STRN: variants seen among roughly 807,000 people sequenced by gnomAD.
The protein encoded by STRN is protein phosphatase 2 regulatory subunit B'''alpha.
Under a neutral mutation model 96.3 loss-of-function variants are expected in STRN, and 53 were observed. The observed-to-expected ratio is 0.55, with a 90% CI of 0.44 to 0.69. STRN has a LOEUF of 0.69. Among genes scored for constraint, STRN ranks in the 30% least tolerant of loss-of-function variants. The pLI is 0.00. For missense variants in STRN, 987 were observed against 963.9 expected, an observed-to-expected ratio of 1.02 and a Z score of -0.32; for synonymous variants, 428 against 355.9, an observed-to-expected ratio of 1.20 and a Z score of -2.28.
intron 1 of STRN, among the ~76,000 whole-genome samples, chr2:36,946,902 C>CTT (rs531046476): frequency 6.8e-6 from 1 of 146,296 alleles, no homozygotes. Context: ...ACAAAAATTT[C>CTT]TTTTTTTTTT....
At chr2:36,865,648 G>A (rs979626715) in intron 12 of STRN, among the ~76,000 whole-genome samples, 5 of 151,984 alleles carry the variant, frequency 3.3e-5, no homozygotes, top group African/African-American at 1.2e-4. Context: ...TGCAACCTCT[G>A]CCTCCTGGGT....
chr2:36,924,676 T>A (rs1359209073), intron 2 of STRN, among the ~76,000 whole-genome samples: 1 of 152,204 alleles, frequency 6.6e-6, no homozygotes, highest in African/African-American at 2.4e-5. Context: ...CATACAAATG[T>A]TTACTACAGA....
chr2:36,960,869 A>G (rs1665011839), intron 1 of STRN, among the ~76,000 whole-genome samples: 1 of 151,912 alleles, frequency 6.6e-6, no homozygotes, highest in Non-Finnish European at 1.5e-5. Context: ...CATTCTCTCT[A>G]TATCCATGTA....
rs367945511 is a variant in STRN, at chr2:36,871,200, T to G, written c.1324-1471A>C. ...AATTTAGCACAGCTTAGGTGTACAG[T>G]GTTTACAAAGTCAATGGTAGTGTAC... On this transcript the variant is annotated intron_variant, in intron 10 of 17. Coordinates refer to ENST00000263918, the MANE Select transcript of STRN (RefSeq NM_003162.4). 5.4e-4 allele frequency among the ~76,000 whole-genome samples: 83 copies of G among 152,324 alleles called. 1 individual carries two copies. In the South Asian group the frequency reaches 0.017, roughly 31 times the overall value.
At chr2:36,942,194 G>C (rs1670862597) in intron 1 of STRN, among the ~76,000 whole-genome samples, 1 of 152,088 alleles carries the variant, frequency 6.6e-6, no homozygotes, top group African/African-American at 2.4e-5. Flanking sequence ...GCTTTTCCCT[G>C]TGGTCTTAAT....
chr2:36,898,936 G>A (rs1423659200), intron 6 of STRN, among the ~76,000 whole-genome samples: 5 of 152,026 alleles, frequency 3.3e-5, no homozygotes. Flanking sequence ...AGGAAAAGGG[G>A]GAAAGAGGGA....
At chr2:36,965,903 C>T (rs1433321072) in intron 1 of STRN, among the ~76,000 whole-genome samples, 2 of 152,108 alleles carry the variant, frequency 1.3e-5, no homozygotes, top group African/African-American at 4.8e-5. Context: ...CTACTGCCAG[C>T]CCAATTAGTA....
chr2:36,889,973 A>G (rs747376291), intron 7 of STRN, among the ~76,000 whole-genome samples: 4 of 152,344 alleles, frequency 2.6e-5, no homozygotes, highest in Non-Finnish European at 4.4e-5. Context: ...CTCACACGTT[A>G]AAGTAAAGGA....
chr2:36,937,629 G>C (rs752885077), intron 1 of STRN, among the ~76,000 whole-genome samples: 25 of 151,010 alleles, frequency 1.7e-4, no homozygotes, highest in Non-Finnish European at 2.9e-4. Flanking sequence ...AGTCATGTTT[G>C]TACAACTGCA....
At chr2:36,955,623 G>T (rs891769458) in intron 1 of STRN, among the ~76,000 whole-genome samples, 1 of 151,768 alleles carries the variant, frequency 6.6e-6, no homozygotes, top group Non-Finnish European at 1.5e-5. Flanking sequence ...TGCCTCAAGC[G>T]TCCTTTCTGA....
intron 9 of STRN, among the ~76,000 whole-genome samples, chr2:36,881,118 C>CT (rs3081783): frequency 1.3e-3 from 101 of 78,994 alleles, no homozygotes; most frequent in African/African-American, 4.1e-3. Flanking sequence ...ACACTGCCTT[C>CT]TTTTTTTTTT....
At chr2:36,943,089 T>C (rs1034026641) in intron 1 of STRN, among the ~76,000 whole-genome samples, 3 of 152,152 alleles carry the variant, frequency 2.0e-5, no homozygotes, top group Non-Finnish European at 2.9e-5. Context: ...ATTACTGCCC[T>C]ACCAAAAAAC....
At chr2:36,947,098 A>G (rs1664596194) in intron 1 of STRN, among the ~76,000 whole-genome samples, 1 of 151,990 alleles carries the variant, frequency 6.6e-6, no homozygotes, top group Non-Finnish European at 1.5e-5. Context: ...GGGTTTTACC[A>G]TGTTAGCCAG....
chr2:36,957,394 C>T (rs1664914690), intron 1 of STRN, among the ~76,000 whole-genome samples: 1 of 152,118 alleles, frequency 6.6e-6, no homozygotes, highest in Non-Finnish European at 1.5e-5. Flanking sequence ...TCAAGACAAG[C>T]CTGGCCAACA....
chr2:36,848,875 C>G lies in STRN; in HGVS notation c.*581G>C, dbSNP rs1293701152. On this transcript the variant is annotated 3_prime_UTR_variant, in exon 18 of 18. Coordinates refer to ENST00000263918, the MANE Select transcript of STRN (RefSeq NM_003162.4). ...TTAACATATTATTGCATTTTTCTCC[C>G]CCTAACAGGTAAAATGCTTTGCCAG... 6.6e-6 allele frequency: 1 copy of G among 152,502 alleles called. No individual in the cohort carries two copies. The highest frequency in any genetic ancestry group is 1.5e-5 in the Non-Finnish European group (1 of 68,090). The allele number at this position is 152,502 out of a possible 1,614,324, so 9.4% of individuals were successfully genotyped here.
At position 36,888,596 on chromosome 2, in the gene STRN, G is replaced by A. The variant is rs574463161; in HGVS notation, c.932-1770C>T. On this transcript the variant is annotated intron_variant, in intron 7 of 17. Coordinates refer to ENST00000263918, the MANE Select transcript of STRN (RefSeq NM_003162.4). ...TTTACTCAATTGTTATCTTCTCAAT[G>A]GGGCTTATCATGGCCACTATATTTC... Among the ~76,000 whole-genome samples the A allele has an allele frequency of 1.6e-4, 25 of 151,712 alleles. No homozygotes were observed. The South Asian group carries it at 5.0e-3, about 30-fold the overall frequency.
At chr2:36,849,865 C>A in intron 16 of STRN, 65 bp from the exon 17 acceptor site, 1 of 1,492,980 alleles carries the variant, frequency 6.7e-7, no homozygotes, top group Non-Finnish European at 9.3e-7. Context: ...TTGCCAGCTA[C>A]CATGTCCTGC....
At chr2:36,919,572 G>C (rs1473278584) in intron 2 of STRN, among the ~76,000 whole-genome samples, 1 of 152,128 alleles carries the variant, frequency 6.6e-6, no homozygotes, top group Non-Finnish European at 1.5e-5. Context: ...AGAAGGGACA[G>C]AAAGGGCCTG....
At chr2:36,897,148 C>A (rs1249060319) in intron 6 of STRN, among the ~76,000 whole-genome samples, 1 of 149,760 alleles carries the variant, frequency 6.7e-6, no homozygotes, top group Non-Finnish European at 1.5e-5. Context: ...GCCTGGGCAA[C>A]AAGAGTGAAA....
Sources: allele counts gnomAD v4.1 joint callset (sites outside exome capture counted in the v4.1 genomes callset), GRCh38; gene constraint gnomAD v4.1.1; transcripts MANE v1.5; gene names NCBI Gene and HGNC (gene_info 2026-07-23, HGNC 2026-07-21).